The following TMBIM4 variants were observed in gnomAD, a reference collection of about 807,000 sequenced individuals.
TMBIM4 encodes the protein protein lifeguard 4.
A neutral mutation model predicts 27.7 loss-of-function variants in TMBIM4; 28 were observed. The observed-to-expected ratio is 1.01, with a 90% confidence interval of 0.75 to 1.38. The LOEUF (loss-of-function observed/expected upper bound fraction) is 1.38, where lower values mean the gene tolerates loss of function less well. Among genes scored for constraint, TMBIM4 ranks in the 40% most tolerant of loss-of-function variants. The pLI is 0.00. For missense variants in TMBIM4, 265 were observed against 277.5 expected (o/e 0.95, Z 0.32); for synonymous variants, 115 against 113.1 (o/e 1.02, Z -0.11).
chr12:66,138,139 A>T lies in TMBIM4; in HGVS notation c.538T>A (p.Leu180Met), dbSNP rs747913816. Reference protein sequence around the residue: ...KFFFYSEIMELVLAAAGALLF... With the variant: ...KFFFYSEIMEMVLAAAGALLF... ...AGGGCTCCTGCAGCGGCTAAGACCAACTCCATTATCTCACTATAAAAAAAA... is the reference window on the plus strand; with the variant it reads ...AGGGCTCCTGCAGCGGCTAAGACCATCTCCATTATCTCACTATAAAAAAAA... The change falls in exon 7 of 7, where the codon TTG (leucine) becomes ATG (methionine). Residue 180 changes from leucine (L) to methionine (M), a missense_variant. By Grantham distance (15) the Leu-to-Met change is conservative. Coordinates refer to ENST00000358230, the MANE Select transcript of TMBIM4 (RefSeq NM_016056.4). 3 of 1,613,704 alleles carry T rather than the reference A, an allele frequency of 1.9e-6. No homozygotes were observed. The highest frequency in any genetic ancestry group is 3.3e-5 in the Admixed American group (2 of 59,958).
At chr12:66,164,475 G>A (rs1156312191) in intron 1 of TMBIM4, among the ~76,000 whole-genome samples, 1 of 152,164 alleles carries the variant, frequency 6.6e-6, no homozygotes, top group South Asian at 2.1e-4. Flanking sequence ...AGGATTTATG[G>A]TAAGTACATG....
Position 66,169,853 on chromosome 12 carries a change from A to G in TMBIM4, c.97+2T>C. ...GGAGGCACTGGAGAGGGGACAACGT[A>G]CCCATTCGGATGTGCACGGTGGCGG... On this transcript the variant is annotated splice_donor_variant, in intron 1 of 6. Coordinates refer to ENST00000358230, the MANE Select transcript of TMBIM4 (RefSeq NM_016056.4). LOFTEE classifies it high-confidence loss of function. 6.6e-7 allele frequency: 1 copy of G among 1,511,298 alleles called. No individual in the cohort carries two copies. The highest frequency in any genetic ancestry group is 8.9e-7 in the Non-Finnish European group (1 of 1,129,510). The allele number at this position is 1,511,298 out of a possible 1,614,324, so 93.6% of individuals were successfully genotyped here.
chr12:66,169,341 T>A, intron 1 of TMBIM4: 5 of 684,950 alleles, frequency 7.3e-6, no homozygotes, highest in Non-Finnish European at 1.3e-5. Context: ...AAAGACCTGT[T>A]GCATTCTGGG....
chr12:66,154,793 C>G (rs1254626754), intron 1 of TMBIM4, among the ~76,000 whole-genome samples: 2 of 152,140 alleles, frequency 1.3e-5, no homozygotes, highest in Non-Finnish European at 2.9e-5. Flanking sequence ...AAATCTTTCA[C>G]AGGAATAAGG....
intron 2 of TMBIM4, 75 bp from the exon 3 acceptor site, chr12:66,152,451 T>G: frequency 2.1e-6 from 2 of 948,312 alleles, no homozygotes; most frequent in Non-Finnish European, 3.1e-6. Context: ...TTAATAAAAT[T>G]TATCTATTTT....
In TMBIM4 at chr12:66,152,383, G is replaced by T; in HGVS notation, c.207-7C>A. On this transcript the variant is annotated splice_region_variant and splice_polypyrimidine_tract_variant and intron_variant, in intron 2 of 6. Transcript: ENST00000358230. ...CAGCAAAATTAAGGCAGGACTGAAA[G>T]ACATAATATTAAGTGTTTCAAGTTA... The T allele has an allele frequency of 6.3e-7, 1 of 1,583,924 alleles. No individual in the cohort carries two copies. Among genetic ancestry groups the T allele is most frequent in the Non-Finnish European group, 8.6e-7 (1 of 1,158,186 alleles).
At chr12:66,145,478 C>T (rs75349895) in intron 5 of TMBIM4, 4 of 160,890 alleles carry the variant, frequency 2.5e-5, no homozygotes, top group Non-Finnish European at 4.1e-5. Context: ...CTAATTACAG[C>T]GCTTCTTCCA....
At chr12:66,156,846 A>C (rs557358698) in intron 1 of TMBIM4, among the ~76,000 whole-genome samples, 1 of 152,230 alleles carries the variant, frequency 6.6e-6, no homozygotes, top group East Asian at 1.9e-4. Context: ...ATGGTAAGTC[A>C]CAGTTCTTTG....
chr12:66,169,939 C>A lies in TMBIM4; in HGVS notation c.13G>T (p.Asp5Tyr). 1 of 1,495,050 alleles carries A rather than the reference C, an allele frequency of 6.7e-7. No individual in the cohort carries two copies. Among genetic ancestry groups the A allele is most frequent in the Non-Finnish European group, 8.9e-7 (1 of 1,124,040 alleles). 92.6% of individuals were successfully genotyped at this position (1,495,050 alleles called of 1,614,324 possible). A position where few individuals can be genotyped will look rare whatever the true frequency, so the allele number is the denominator to read the frequency against. The change falls in exon 1 of 7, where the codon GAC becomes TAC. Residue 5 changes from aspartate to tyrosine, a missense_variant. Physicochemically the swap from Asp to Tyr is radical, Grantham distance 160. Coordinates refer to ENST00000358230, the MANE Select transcript of TMBIM4 (RefSeq NM_016056.4). ...ATCGAGGAGCGAGGGTACCGGGGGT[C>A]GGGGTCAGCCATGATGGCAACAGCA... MADP[D>Y]PRYPRSSIED... is the part of the protein sequence containing the mutation.
chr12:66,162,531 C>CG (rs1372027770), intron 1 of TMBIM4, among the ~76,000 whole-genome samples: 1 of 152,050 alleles, frequency 6.6e-6, no homozygotes, highest in Admixed American at 6.5e-5. Flanking sequence ...GTCGAGGGGC[C>CG]GGGGGAAAAC....
At position 66,138,162 on chromosome 12, in the gene TMBIM4, A is replaced by G; in HGVS notation, c.515T>C (p.Phe172Ser). 1.2e-6 allele frequency: 2 copies of G among 1,608,474 alleles called. No individual in the cohort carries two copies. Among genetic ancestry groups the G allele is most frequent in the Non-Finnish European group, 1.7e-6 (2 of 1,178,416 alleles). ...ILCLSGFLKF[F>S]FYSEIMELVL... Reference sequence around the variant, plus strand: ...CAACTCCATTATCTCACTATAAAAAAAAAACTATAGGGAAGAGATTAAAGA... The same window carrying G: ...CAACTCCATTATCTCACTATAAAAAGAAAACTATAGGGAAGAGATTAAAGA... The change falls in exon 7 of 7, where the codon TTT (phenylalanine) becomes TCT (serine). Residue 172 changes from phenylalanine to serine, a missense_variant. By Grantham distance (155) the Phe-to-Ser change is radical (BLOSUM62 -2). Coordinates refer to ENST00000358230, the MANE Select transcript of TMBIM4 (RefSeq NM_016056.4).
intron 1 of TMBIM4, chr12:66,169,166 G>A (rs2052187824): frequency 3.1e-6 from 2 of 652,342 alleles, no homozygotes; most frequent in South Asian, 1.7e-5. Context: ...GGGCTGTTTC[G>A]GCGATCAAAT....
chr12:66,161,001 A>AGAGGCGCTGCTCACTTCCCAGACGGG (rs2052029401), intron 1 of TMBIM4: 1 of 130,852 alleles, frequency 7.6e-6, no homozygotes. Context: ...CAGACCGGGC[A>AGAGGCGCTGCTCACTTCCCAGACGGG]GCGGCGGGTC....
chr12:66,165,608 G>A (rs2052113348), intron 1 of TMBIM4, among the ~76,000 whole-genome samples: 1 of 152,004 alleles, frequency 6.6e-6, no homozygotes, highest in Non-Finnish European at 1.5e-5. Context: ...AGTGGGGTAT[G>A]TGTTCAAGTC....
chr12:66,150,585 G>GT (rs2051829520), intron 3 of TMBIM4, among the ~76,000 whole-genome samples: 1 of 151,710 alleles, frequency 6.6e-6, no homozygotes, highest in Non-Finnish European at 1.5e-5. Context: ...GCTAATTTTT[G>GT]TATTTTTTGC....
intron 3 of TMBIM4, among the ~76,000 whole-genome samples, chr12:66,151,321 C>T (rs1397196401): frequency 1.3e-5 from 2 of 152,138 alleles, no homozygotes; most frequent in East Asian, 3.9e-4. Flanking sequence ...GCAGCCTCCA[C>T]CCCGCAACCC....
chr12:66,153,300 C>A, intron 2 of TMBIM4, 40 bp downstream of exon 2: 1 of 1,167,716 alleles, frequency 8.6e-7, no homozygotes. Context: ...TGATCATATG[C>A]AATGTCTGAA....
At chr12:66,141,898 C>A (rs902252677) in intron 5 of TMBIM4, among the ~76,000 whole-genome samples, 1 of 152,024 alleles carries the variant, frequency 6.6e-6, no homozygotes, top group Admixed American at 6.6e-5. Flanking sequence ...AATTTCAACA[C>A]CCCTCTCACA....
At chr12:66,160,337 T>G (rs1430239701) in intron 1 of TMBIM4, 2 of 659,442 alleles carry the variant, frequency 3.0e-6, no homozygotes, top group Non-Finnish European at 5.5e-6. Flanking sequence ...AAAATGCACA[T>G]ACTCTTTTGA....
Sources: allele counts gnomAD v4.1 joint callset (sites outside exome capture counted in the v4.1 genomes callset), GRCh38; gene constraint gnomAD v4.1.1; transcripts MANE v1.5; gene names NCBI Gene and HGNC (gene_info 2026-07-23, HGNC 2026-07-21).